Variants in INO80D observed in about 807,000 individuals in gnomAD.
INO80D encodes the protein INO80 complex subunit D.
INO80D carries 21 observed loss-of-function variants against 87.6 expected under a neutral mutation model. The observed-to-expected ratio is 0.24, with a 90% CI of 0.17 to 0.35. The LOEUF is 0.35. INO80D is among the 10% of genes least tolerant of loss of function. The pLI is 1.00. For missense variants in INO80D, 982 were observed against 1,280.7 expected (o/e 0.77, Z 3.56); for synonymous variants, 440 against 491.0 (o/e 0.90, Z 1.37).
At chr2:206,059,396 C>A (rs911824302) in intron 3 of INO80D, among the ~76,000 whole-genome samples, 4 of 151,830 alleles carry the variant, frequency 2.6e-5, no homozygotes, top group African/African-American at 9.7e-5. Context: ...ACAAAAAAAA[C>A]AAAAAAGAAC....
intron 5 of INO80D, among the ~76,000 whole-genome samples, chr2:206,039,996 C>A (rs1201231490): frequency 6.6e-6 from 1 of 150,846 alleles, no homozygotes; most frequent in African/African-American, 2.4e-5. Context: ...AAACTTCCCA[C>A]AAAAAAAAGC....
intron 8 of INO80D, among the ~76,000 whole-genome samples, chr2:206,013,567 A>G (rs1051463364): frequency 6.6e-6 from 1 of 151,562 alleles, no homozygotes; most frequent in Non-Finnish European, 1.5e-5. Flanking sequence ...AAAAAAAAAA[A>G]TTGTTATAGG....
rs531688370 is a variant in INO80D, at chr2:206,075,680, C to T, written c.-124+10221G>A. On this transcript the variant is annotated intron_variant, in intron 1 of 10. Coordinates refer to ENST00000403263, the MANE Select transcript of INO80D (RefSeq NM_017759.5). ...CTCAAACTCCTGACATCAAGTGATC[C>T]GCCCACCTCGGCCTCCCAAAGTGCT... 7.0e-4 allele frequency among the ~76,000 whole-genome samples: 106 copies of T among 151,632 alleles called. 2 individuals are homozygous for T. The South Asian group carries it at 0.022, about 31-fold the overall frequency.
At chr2:206,078,648 CA>C (rs71410860) in intron 1 of INO80D, among the ~76,000 whole-genome samples, 45,556 of 151,516 alleles carry the variant, frequency 0.3, 7,486 homozygotes, top group African/African-American at 0.44. Context: ...ACAAAAACAA[CA>C]AAAAAAGAAA....
At chr2:206,013,033 G>A (rs949253418) in intron 8 of INO80D, among the ~76,000 whole-genome samples, 1 of 151,698 alleles carries the variant, frequency 6.6e-6, no homozygotes, top group African/African-American at 2.4e-5. Flanking sequence ...GATTCTAACT[G>A]TCTTCAGAGA....
At position 206,002,680 on chromosome 2, in the gene INO80D, G is replaced by A. The variant is rs1363688745; in HGVS notation, c.*1688C>T. The A allele has an allele frequency of 2.0e-5, 3 of 152,110 alleles. No individual in the cohort carries two copies. The highest frequency in any genetic ancestry group is 2.9e-5 in the Non-Finnish European group (2 of 68,008). 9.4% of individuals were successfully genotyped at this position (152,110 alleles called of 1,614,324 possible). A position where few individuals can be genotyped will look rare whatever the true frequency, so the allele number is the denominator to read the frequency against. On this transcript the variant is annotated 3_prime_UTR_variant, in exon 11 of 11. Transcript: ENST00000403263. ...AGCTTTCAAAAGAAGGGACTGGTTAGAACTAGCATGGCATAAAGAGATTAC... is the reference window on the plus strand; with the variant it reads ...AGCTTTCAAAAGAAGGGACTGGTTAAAACTAGCATGGCATAAAGAGATTAC...
intron 9 of INO80D, 94 bp downstream of exon 9, chr2:206,009,483 C>A: frequency 1.9e-6 from 2 of 1,060,536 alleles, no homozygotes; most frequent in Admixed American, 5.3e-5. Flanking sequence ...TTTCTGTAGC[C>A]TAGTGACAAC....
In INO80D at chr2:206,028,196, C is replaced by A. The variant is rs746346117; in HGVS notation, c.1213G>T (p.Ala405Ser). 6.8e-6 allele frequency: 11 copies of A among 1,609,990 alleles called. No homozygotes were observed. Among genetic ancestry groups the A allele is most frequent in the Non-Finnish European group, 9.3e-6 (11 of 1,178,226 alleles). The part of the protein sequence containing the change: ...QKKCRHTFRK[A>S]LLQAASKEPE... ...TCTTTACTGGCCGCCTGCAGCAAAG[C>A]TTTCCTAAACGTATGCCGGCATTTC... Residue 405 changes from alanine (A) to serine (S), a missense_variant, in exon 6 of 11, where the codon GCT becomes TCT. By Grantham distance (99) the Ala-to-Ser change is moderately conservative. Coordinates refer to ENST00000403263, the MANE Select transcript of INO80D (RefSeq NM_017759.5).
At chr2:206,060,438 C>T (rs1298012069) in intron 3 of INO80D, among the ~76,000 whole-genome samples, 1 of 150,198 alleles carries the variant, frequency 6.7e-6, no homozygotes, top group Non-Finnish European at 1.5e-5. Context: ...GAGGCTGGTG[C>T]AGGAGAATTG....
chr2:206,005,514 G>T lies in INO80D; in HGVS notation c.1938C>A (p.Leu646=). The T allele has an allele frequency of 6.2e-7, 1 of 1,612,054 alleles. No homozygotes were observed. The highest frequency in any genetic ancestry group is 8.5e-7 in the Non-Finnish European group (1 of 1,179,618). ...GCTCCTCAGCCTCTTCGGTAGTTGG[G>T]AGGAGGTCTCCATTCTTCCCTGAGT... is the stretch of plus-strand genomic sequence containing the variant. The part of the protein sequence containing the change: ...DFFEGKNGDL[L]PTTEEAEELE... Residue 646 remains leucine (L), a synonymous_variant, in exon 11 of 11, where the codon CTC becomes CTA. Transcript: ENST00000403263.
At chr2:206,014,733 G>A (rs1193055534) in intron 8 of INO80D, among the ~76,000 whole-genome samples, 3 of 152,076 alleles carry the variant, frequency 2.0e-5, no homozygotes, top group African/African-American at 4.8e-5. Flanking sequence ...GGGTGCTGCT[G>A]AAAAGATACC....
At chr2:206,013,398 A>G (rs1276177085) in intron 8 of INO80D, among the ~76,000 whole-genome samples, 1 of 151,950 alleles carries the variant, frequency 6.6e-6, no homozygotes, top group East Asian at 1.9e-4. Flanking sequence ...CTAAAAATAC[A>G]AAAATTAGCC....
At chr2:206,082,044 G>A (rs1312751151) in intron 1 of INO80D, among the ~76,000 whole-genome samples, 1 of 152,090 alleles carries the variant, frequency 6.6e-6, no homozygotes, top group African/African-American at 2.4e-5. Context: ...TTTTGAGATA[G>A]AGTTTTGCTC....
chr2:206,076,985 C>T lies in INO80D; in HGVS notation c.-124+8916G>A, dbSNP rs573022413. On this transcript the variant is annotated intron_variant, in intron 1 of 10. Transcript: ENST00000403263. ...ATAGTAATCACTTAATATTAACTAC[C>T]ATTAGAAGCCGGGCGCGGTGGCTCA... Among the ~76,000 whole-genome samples the T allele has an allele frequency of 2.6e-5, 4 of 152,208 alleles. No individual in the cohort carries two copies. In the South Asian group the frequency reaches 8.3e-4, roughly 32 times the overall value.
chr2:206,005,420 C>G lies in INO80D; in HGVS notation c.2032G>C (p.Asp678His), dbSNP rs779232035. 7 of 1,614,012 alleles carry G rather than the reference C, an allele frequency of 4.3e-6. No homozygotes were observed. Among genetic ancestry groups the G allele is most frequent in the Non-Finnish European group, 5.9e-6 (7 of 1,179,908 alleles). ...LSTIGVLAQSDGVPVQELSDR... is the reference protein window; with the variant it reads ...LSTIGVLAQSHGVPVQELSDR... ...GACAACTCCTGGACTGGCACACCAT[C>G]TGACTGGGCAAGGACCCCAATGGTA... The change falls in exon 11 of 11, where the codon GAT (aspartate) becomes CAT (histidine). Residue 678 changes from aspartate (D) to histidine (H), a missense_variant. Asp to His is a moderately conservative substitution (Grantham distance 81). Coordinates refer to ENST00000403263, the MANE Select transcript of INO80D (RefSeq NM_017759.5).
At chr2:206,053,781 C>G (rs980165084) in intron 4 of INO80D, among the ~76,000 whole-genome samples, 1 of 151,848 alleles carries the variant, frequency 6.6e-6, no homozygotes, top group Non-Finnish European at 1.5e-5. Context: ...ATAATTACCT[C>G]TTGATTTCTT....
At chr2:206,012,347 G>A (rs34058600) in intron 8 of INO80D, among the ~76,000 whole-genome samples, 42,216 of 151,912 alleles carry the variant, frequency 0.28, 6,811 homozygotes, top group Non-Finnish European at 0.36. Flanking sequence ...CAAAACTCCT[G>A]AGAGTGTACA....
chr2:206,072,348 C>A (rs1441172917), intron 1 of INO80D, among the ~76,000 whole-genome samples: 1 of 151,994 alleles, frequency 6.6e-6, no homozygotes, highest in African/African-American at 2.4e-5. Flanking sequence ...ACAATCTCAG[C>A]TCAGTGCAAC....
intron 6 of INO80D, among the ~76,000 whole-genome samples, chr2:206,021,274 T>A (rs1025081813): frequency 6.6e-6 from 1 of 152,210 alleles, no homozygotes; most frequent in Non-Finnish European, 1.5e-5. Flanking sequence ...AAATTACATA[T>A]GAATTTACAC....
Sources: allele counts gnomAD v4.1 joint callset (sites outside exome capture counted in the v4.1 genomes callset), GRCh38; gene constraint gnomAD v4.1.1; transcripts MANE v1.5; gene names NCBI Gene and HGNC (gene_info 2026-07-23, HGNC 2026-07-21).